NPTN: variants seen among roughly 807,000 people sequenced by gnomAD.
NPTN encodes the protein neuroplastin, also known as SDR-1.
NPTN carries 5 observed loss-of-function variants against 42.7 expected under a neutral mutation model. The observed-to-expected ratio is 0.12, with a 90% CI of 0.06 to 0.25. The LOEUF is 0.25. Ranked by LOEUF, NPTN falls within the 10% of genes least tolerant of loss-of-function variation. The pLI, the probability that NPTN is intolerant of heterozygous loss-of-function variation, is 1.00. For synonymous variants in NPTN, 180 were observed against 201.9 expected (o/e 0.89, Z 0.92); for missense variants, 307 against 525.4 (o/e 0.58, Z 4.06).
chr15:73,573,790 G>A lies in NPTN; in HGVS notation c.712C>T (p.Pro238Ser). ...ANATIEVKAA[P>S]DITGHKRSEN... ...CTCCGTTTATGGCCAGTGATGTCAG[G>A]AGCGGCTGTGAGAAAGCGTTAGACG... is the stretch of plus-strand genomic sequence containing the variant. Residue 238 changes from proline (P) to serine (S), a missense_variant, in exon 5 of 9, where the codon CCT becomes TCT. This residue lies in a region of NPTN where 264 missense variants were observed against 491.1 expected (regional missense o/e 0.54). Transcript: ENST00000345330. 6.2e-7 allele frequency: 1 copy of A among 1,603,558 alleles called. No individual in the cohort carries two copies. Among genetic ancestry groups the A allele is most frequent in the Non-Finnish European group, 8.5e-7 (1 of 1,175,506 alleles).
intron 4 of NPTN, among the ~76,000 whole-genome samples, chr15:73,586,859 G>C (rs1383745981): frequency 6.6e-6 from 1 of 152,210 alleles, no homozygotes; most frequent in South Asian, 2.1e-4. Context: ...CTCACTGTGT[G>C]ACAGACAGCT....
At position 73,570,817 on chromosome 15, in the gene NPTN, G is replaced by T. The variant is rs1265838968; in HGVS notation, c.841-394C>A. Among the ~76,000 whole-genome samples, 1 of 152,198 alleles carries T rather than the reference G, an allele frequency of 6.6e-6. No homozygotes were observed. The highest frequency in any genetic ancestry group is 2.4e-5 in the African/African-American group (1 of 41,442). On this transcript the variant is annotated intron_variant, in intron 5 of 8. Transcript: ENST00000345330. This position sits in a 1 kb window ranked among gnomAD's most constrained non-coding sequence, Gnocchi z 4.0. ...CTCGGGGACCTCAGGCCTCTCTGATGACCTCAGAGTCAGCACACTGACTTC... is the reference window on the plus strand; with the variant it reads ...CTCGGGGACCTCAGGCCTCTCTGATTACCTCAGAGTCAGCACACTGACTTC...
At chr15:73,588,041 A>T (rs900896087) in intron 3 of NPTN, among the ~76,000 whole-genome samples, 4 of 152,158 alleles carry the variant, frequency 2.6e-5, no homozygotes, top group African/African-American at 7.2e-5. Context: ...GGAGTTCAAG[A>T]CCAGCCTGGC....
At chr15:73,580,418 TA>T (rs1444714383) in intron 4 of NPTN, among the ~76,000 whole-genome samples, 2,289 of 117,752 alleles carry the variant, frequency 0.019, 31 homozygotes, top group East Asian at 0.03. Flanking sequence ...ATAATATATA[TA>T]TAATATATAT....
At chr15:73,611,208 A>C (rs538483781) in intron 1 of NPTN, among the ~76,000 whole-genome samples, 1 of 152,380 alleles carries the variant, frequency 6.6e-6, no homozygotes, top group African/African-American at 2.4e-5. Flanking sequence ...TCAGGAAGAC[A>C]ATCATTCTTA....
At chr15:73,587,471 C>T (rs552846009) in intron 4 of NPTN, 53 bp downstream of exon 4, 8 of 1,272,166 alleles carry the variant, frequency 6.3e-6, no homozygotes, top group South Asian at 2.4e-5. Context: ...GACCAAGGTA[C>T]TGTCTTGGAA....
rs563263409 is a variant in NPTN at position 73,607,295 on chromosome 15, T to C, written c.92-9926A>G. ...GTAATTACTGCTCAAAAGCTAATCT[T>C]TGCCAAACTTTTTCTGTGAAATGCA... On this transcript the variant is annotated intron_variant, in intron 1 of 8. Transcript: ENST00000345330. Among the ~76,000 whole-genome samples, 46 of 152,334 alleles carry C rather than the reference T, an allele frequency of 3.0e-4. No homozygotes were observed. In the South Asian group the frequency reaches 7.7e-3, roughly 25 times the overall value.
intron 1 of NPTN, among the ~76,000 whole-genome samples, chr15:73,622,069 C>T (rs1167652752): frequency 1.3e-5 from 2 of 151,968 alleles, no homozygotes; most frequent in Non-Finnish European, 2.9e-5. Context: ...GAGAATCACT[C>T]GAACCCGGGA....
chr15:73,563,208 T>C (rs1464300391), intron 7 of NPTN, 28 bp downstream of exon 7: 2 of 1,436,878 alleles, frequency 1.4e-6, no homozygotes, highest in Non-Finnish European at 2.0e-6. Flanking sequence ...TCAGATACTG[T>C]TGAATCAATG....
At position 73,592,205 on chromosome 15, in the gene NPTN, T is replaced by C. The variant is rs1298424872; in HGVS notation, c.440-68A>G. 2.8e-6 allele frequency: 4 copies of C among 1,413,600 alleles called. No individual in the cohort carries two copies. The Admixed American group carries it at 5.6e-5, about 20-fold the overall frequency. 87.6% of individuals were successfully genotyped at this position (1,413,600 alleles called of 1,614,324 possible). The stretch of plus-strand genomic sequence containing the variant: ...TCCTCTGTAGCCCTGGCCTGAGAGT[T>C]GGACGGGGTAGGAGGGGGAAACTAG... On this transcript the variant is annotated intron_variant, in intron 2 of 8. Transcript: ENST00000345330.
At chr15:73,603,150 C>T (rs1244909333) in intron 1 of NPTN, among the ~76,000 whole-genome samples, 2 of 152,150 alleles carry the variant, frequency 1.3e-5, no homozygotes, top group South Asian at 2.1e-4. Flanking sequence ...ATCTGTAAAA[C>T]GGGACTAATA....
chr15:73,587,317 G>C (rs1424597882), intron 4 of NPTN, among the ~76,000 whole-genome samples: 1 of 152,210 alleles, frequency 6.6e-6, no homozygotes, highest in East Asian at 1.9e-4. Flanking sequence ...AGAGAAGTTA[G>C]TAAACCACCA....
chr15:73,591,480 C>T (rs1050180257), intron 3 of NPTN, among the ~76,000 whole-genome samples: 2 of 152,164 alleles, frequency 1.3e-5, no homozygotes, highest in African/African-American at 4.8e-5. Flanking sequence ...AAGAGCCCTG[C>T]ATCTGCTGGT....
At position 73,563,192 on chromosome 15, in the gene NPTN, A is replaced by G. The variant is rs565190148; in HGVS notation, c.1136+44T>C. 1.4e-4 allele frequency: 187 copies of G among 1,322,640 alleles called. 1 individual carries two copies. The South Asian group carries it at 2.1e-3, about 15-fold the overall frequency. 81.9% of individuals were successfully genotyped at this position (1,322,640 alleles called of 1,614,324 possible). On this transcript the variant is annotated intron_variant, in intron 7 of 8. Transcript: ENST00000345330. ...TTGATTAAACTGCAAACACAACATC[A>G]TTCAATCAGATACTGTTGAATCAAT... is the stretch of plus-strand genomic sequence containing the variant.
intron 4 of NPTN, among the ~76,000 whole-genome samples, chr15:73,585,146 A>C (rs1469910337): frequency 6.6e-6 from 1 of 152,188 alleles, no homozygotes; most frequent in Non-Finnish European, 1.5e-5. Context: ...GAAGAAATAT[A>C]TATGCATGGT....
At chr15:73,615,038 C>T (rs919475324) in intron 1 of NPTN, among the ~76,000 whole-genome samples, 16 of 152,016 alleles carry the variant, frequency 1.1e-4, no homozygotes, top group African/African-American at 3.9e-4. Flanking sequence ...AGTTAGGTTT[C>T]AACTTAACCA....
At chr15:73,628,979 T>C (rs1372335402) in intron 1 of NPTN, among the ~76,000 whole-genome samples, 2 of 152,196 alleles carry the variant, frequency 1.3e-5, no homozygotes, top group Non-Finnish European at 2.9e-5. Flanking sequence ...CAACCTCACA[T>C]CTAAGGGGTT....
chr15:73,587,626 G>A lies in NPTN; in HGVS notation c.612-8C>T, dbSNP rs762038116. On this transcript the variant is annotated splice_region_variant and splice_polypyrimidine_tract_variant and intron_variant, in intron 3 of 8. Transcript: ENST00000345330. ...GCTCTCGGCTTATTGATCCTGCAGAGATGAGAAGAAAAACCAAGTGAGGAA... is the reference window on the plus strand; with the variant it reads ...GCTCTCGGCTTATTGATCCTGCAGAAATGAGAAGAAAAACCAAGTGAGGAA... 13 of 1,604,230 alleles carry A rather than the reference G, an allele frequency of 8.1e-6. No individual in the cohort carries two copies. The highest frequency in any genetic ancestry group is 1.3e-5 in the African/African-American group (1 of 74,684).
rs570628549 is a variant in NPTN at position 73,588,900 on chromosome 15, A to G, written c.612-1282T>C. Among the ~76,000 whole-genome samples the G allele has an allele frequency of 3.9e-5, 6 of 152,354 alleles. No homozygotes were observed. The East Asian group carries it at 9.6e-4, about 24-fold the overall frequency. On this transcript the variant is annotated intron_variant, in intron 3 of 8. Coordinates refer to ENST00000345330, the MANE Select transcript of NPTN (RefSeq NM_012428.4). ...CTGTTTATTCAGCATACTATCCCAT[A>G]CCGAGTACCTAGCCTGGTGCCTGGA...
Sources: allele counts gnomAD v4.1 joint callset (sites outside exome capture counted in the v4.1 genomes callset), GRCh38; gene constraint gnomAD v4.1.1; regional missense constraint gnomAD v4.1.1; non-coding constraint Gnocchi (gnomAD v3.1); transcripts MANE v1.5; gene names NCBI Gene and HGNC (gene_info 2026-07-23, HGNC 2026-07-21).